The following PLEKHA4 variants were observed in gnomAD, a reference collection of about 807,000 sequenced individuals.
PLEKHA4 encodes the protein pleckstrin homology domain-containing family A member 4.
In PLEKHA4, 73 loss-of-function variants were observed where a neutral mutation model predicts 94.7. That is an observed-to-expected ratio of 0.77 (90% confidence interval 0.64 to 0.94). PLEKHA4 has a LOEUF of 0.94. Among genes scored for constraint, PLEKHA4 ranks in the 40% least tolerant of loss-of-function variants. PLEKHA4 has a pLI of 0.00. For missense variants in PLEKHA4, 1,049 were observed against 1,054.1 expected (o/e 1.00, Z 0.07); for synonymous variants, 449 against 437.1 (o/e 1.03, Z -0.34).
Position 48,837,108 on chromosome 19 carries a change from A to T in PLEKHA4, c.*181T>A. ...AGAAAGCTATTGACTAAAAGTTCAA[A>T]GTTTTAATCCAAATTTAGACAGTGT... On this transcript the variant is annotated 3_prime_UTR_variant, in exon 20 of 20. Transcript: ENST00000263265. This position sits in a 1 kb window ranked among gnomAD's most constrained non-coding sequence, Gnocchi z 4.3. The T allele has an allele frequency of 2.5e-6, 2 of 791,396 alleles. No homozygotes were observed. The highest frequency in any genetic ancestry group is 4.1e-6 in the Non-Finnish European group (2 of 488,208). The allele number at this position is 791,396 out of a possible 1,614,324, so 49.0% of individuals were successfully genotyped here.
intron 6 of PLEKHA4, chr19:48,859,915 T>C (rs1021843006): frequency 1.2e-5 from 7 of 595,050 alleles, no homozygotes; most frequent in African/African-American, 3.7e-5. Flanking sequence ...GAATATGGGA[T>C]AGACTCAGCC....
At chr19:48,851,609 T>C (rs996102000) in intron 13 of PLEKHA4, among the ~76,000 whole-genome samples, 1 of 150,540 alleles carries the variant, frequency 6.6e-6, no homozygotes, top group African/African-American at 2.5e-5. Flanking sequence ...AGAGTAAAAC[T>C]CTGTCCCCCT....
chr19:48,837,672 G>A lies in PLEKHA4; in HGVS notation c.2078-121C>T, dbSNP rs1181590395. 2.4e-6 allele frequency: 3 copies of A among 1,243,576 alleles called. No individual in the cohort carries two copies. Among genetic ancestry groups the A allele is most frequent in the South Asian group, 2.6e-5 (2 of 76,600 alleles). The allele number at this position is 1,243,576 out of a possible 1,614,324, so 77.0% of individuals were successfully genotyped here. A position where few individuals can be genotyped will look rare whatever the true frequency, so the allele number is the denominator to read the frequency against. ...CCAGCCCCTCCTCCATCAGACCCAG[G>A]AGTCCAGGCCCCCAGCCCCTCCTCC... On this transcript the variant is annotated intron_variant, in intron 19 of 19. Transcript: ENST00000263265. The surrounding 1 kb of genome is among the most constrained non-coding windows in gnomAD (Gnocchi z 4.3).
intron 13 of PLEKHA4, among the ~76,000 whole-genome samples, chr19:48,849,343 C>CT (rs1182723481): frequency 3.9e-5 from 6 of 152,172 alleles, no homozygotes; most frequent in African/African-American, 1.4e-4. Context: ...GAGTCTCTCC[C>CT]TATCACCCAG....
At chr19:48,852,394 A>G (rs1336576830) in intron 12 of PLEKHA4, 68 bp from the exon 13 acceptor site, 9 of 1,228,044 alleles carry the variant, frequency 7.3e-6, no homozygotes, top group Non-Finnish European at 1.1e-5. Context: ...CCACCCCATC[A>G]TTTGTCAGCT....
In PLEKHA4 at chr19:48,859,475, C is replaced by A. The variant is rs148238581; in HGVS notation, c.686G>T (p.Ser229Ile). ...CCATGTCCTCCCTACTCACTCGGGGCTCCTCGCCCTCCGCATCTGGAGTCC... is the reference window on the plus strand; with the variant it reads ...CCATGTCCTCCCTACTCACTCGGGGATCCTCGCCCTCCGCATCTGGAGTCC... ...HSGLQMRRAR[S>I]PDLFTPLSRP... Residue 229 changes from serine to isoleucine, a missense_variant, in exon 7 of 20, where the codon AGC (serine) becomes ATC (isoleucine). By Grantham distance (142) the Ser-to-Ile change is moderately radical. Coordinates refer to ENST00000263265, the MANE Select transcript of PLEKHA4 (RefSeq NM_020904.3). 7 of 1,613,720 alleles carry A rather than the reference C, an allele frequency of 4.3e-6. No homozygotes were observed. The African/African-American group carries it at 5.3e-5, about 12-fold the overall frequency.
At chr19:48,852,750 T>C (rs1450697882) in intron 12 of PLEKHA4, among the ~76,000 whole-genome samples, 1 of 152,060 alleles carries the variant, frequency 6.6e-6, no homozygotes, top group African/African-American at 2.4e-5. Context: ...CTGGCCAACA[T>C]GGTGAAACCC....
chr19:48,837,176 G>A lies in PLEKHA4; in HGVS notation c.*113C>T. The A allele has an allele frequency of 6.7e-7, 1 of 1,482,420 alleles. No homozygotes were observed. The allele number at this position is 1,482,420 out of a possible 1,614,324, so 91.8% of individuals were successfully genotyped here. A position where few individuals can be genotyped will look rare whatever the true frequency, so the allele number is the denominator to read the frequency against. The stretch of plus-strand genomic sequence containing the variant: ...GGCCATAGAAACCATTCCCCTCCCG[G>A]GCCCGCAATGGGGACCAGACCACGC... On this transcript the variant is annotated 3_prime_UTR_variant, in exon 20 of 20. Transcript: ENST00000263265. The surrounding 1 kb of genome is among the most constrained non-coding windows in gnomAD (Gnocchi z 4.3).
intron 8 of PLEKHA4, 119 bp downstream of exon 8, chr19:48,858,741 A>AGATCATTAT: frequency 8.7e-7 from 1 of 1,154,920 alleles, no homozygotes. Flanking sequence ...AGCCCAGCTG[A>AGATCATTAT]GATCATTATG....
Position 48,867,477 on chromosome 19 carries a change from CAGA to C in PLEKHA4, c.84+57_84+59del. On this transcript the variant is annotated intron_variant, in intron 2 of 19. Coordinates refer to ENST00000263265, the MANE Select transcript of PLEKHA4 (RefSeq NM_020904.3). The surrounding 1 kb of genome is among the most constrained non-coding windows in gnomAD (Gnocchi z 4.7). ...TTAACAACCAGAGTCCTTGGGGAAA[CAGA>C]AGGATGGGCGGCCCAGAGCCCCACC... is the stretch of plus-strand genomic sequence containing the variant. The C allele has an allele frequency of 6.5e-7, 1 of 1,530,818 alleles. No individual in the cohort carries two copies. Among genetic ancestry groups the C allele is most frequent in the Non-Finnish European group, 8.8e-7 (1 of 1,130,328 alleles). The allele number at this position is 1,530,818 out of a possible 1,614,324, so 94.8% of individuals were successfully genotyped here. A position where few individuals can be genotyped will look rare whatever the true frequency, so the allele number is the denominator to read the frequency against.
chr19:48,849,732 G>A (rs868176087), intron 13 of PLEKHA4, among the ~76,000 whole-genome samples: 1 of 152,328 alleles, frequency 6.6e-6, no homozygotes, highest in Middle Eastern at 3.4e-3. Flanking sequence ...AAAGGAATGG[G>A]TTCAGAACTG....
At chr19:48,852,652 G>A (rs912550142) in intron 12 of PLEKHA4, among the ~76,000 whole-genome samples, 10 of 151,888 alleles carry the variant, frequency 6.6e-5, no homozygotes, top group Non-Finnish European at 1.3e-4. Flanking sequence ...ACAGCACCCA[G>A]CCAGACACGG....
chr19:48,852,128 C>A lies in PLEKHA4; in HGVS notation c.1425+100G>T, dbSNP rs45589039. The A allele has an allele frequency of 1.2e-5, 11 of 882,248 alleles. No individual in the cohort carries two copies. The African/African-American group carries it at 1.3e-4, about 11-fold the overall frequency. 54.7% of individuals were successfully genotyped at this position (882,248 alleles called of 1,614,324 possible). Reference sequence around the variant, plus strand: ...GAAAGGAGGCTAAGGGTCAACTGGGCGGGGCCTCGATTCTGTGGGCGAAGA... The same window carrying A: ...GAAAGGAGGCTAAGGGTCAACTGGGAGGGGCCTCGATTCTGTGGGCGAAGA... On this transcript the variant is annotated intron_variant, in intron 13 of 19. Transcript: ENST00000263265.
At chr19:48,855,776 G>C (rs1482181007) in intron 9 of PLEKHA4, among the ~76,000 whole-genome samples, 1 of 151,174 alleles carries the variant, frequency 6.6e-6, no homozygotes. Flanking sequence ...GTGACAGAGT[G>C]AGACTCTGTC....
At chr19:48,859,231 A>G (rs1326123228) in intron 7 of PLEKHA4, 92 bp from the exon 8 acceptor site, 7 of 1,056,450 alleles carry the variant, frequency 6.6e-6, no homozygotes, top group Non-Finnish European at 6.9e-6. Flanking sequence ...GACATGTCTC[A>G]CTTCACTGTG....
intron 3 of PLEKHA4, among the ~76,000 whole-genome samples, chr19:48,862,562 G>A (rs2036684275): frequency 1.3e-5 from 2 of 151,162 alleles, no homozygotes; most frequent in Middle Eastern, 3.4e-3. Flanking sequence ...AGGCTGGAGT[G>A]CAGTGGCACG....
chr19:48,855,945 G>A (rs982954031), intron 9 of PLEKHA4, among the ~76,000 whole-genome samples: 1 of 151,958 alleles, frequency 6.6e-6, no homozygotes, highest in Non-Finnish European at 1.5e-5. Context: ...GGCCGAGGCA[G>A]GCAGATCACC....
chr19:48,854,226 C>T lies in PLEKHA4; in HGVS notation c.1086G>A (p.Leu362=). Residue 362 remains leucine, a synonymous_variant, in exon 10 of 20, where the codon TTG becomes TTA. Coordinates refer to ENST00000263265, the MANE Select transcript of PLEKHA4 (RefSeq NM_020904.3). ...ATCAGTGACAACTTACATCTGTCTC[C>T]AAGCTTTGGTGGAAAGTTGACTCCA... ...PPLESTFHQS[L]ETDTLLTKLC... is the part of the protein sequence containing the mutation. 1 of 1,614,126 alleles carries T rather than the reference C, an allele frequency of 6.2e-7. No individual in the cohort carries two copies. The highest frequency in any genetic ancestry group is 8.5e-7 in the Non-Finnish European group (1 of 1,179,994).
chr19:48,844,173 G>A (rs2035878801), intron 16 of PLEKHA4, among the ~76,000 whole-genome samples: 1 of 137,610 alleles, frequency 7.3e-6, no homozygotes. Context: ...TATTATTTTC[G>A]AGACAGAGTC....
Sources: gnomAD v4.1 joint callset for allele counts (sites outside exome capture counted in the v4.1 genomes callset) on GRCh38, gnomAD v4.1.1 for gene constraint, Gnocchi (gnomAD v3.1) non-coding constraint, MANE v1.5 for transcripts, NCBI Gene and HGNC (gene_info 2026-07-23, HGNC 2026-07-21) for gene names.